GCC2: variants seen among roughly 807,000 people sequenced by gnomAD.
GCC2 encodes the protein GRIP and coiled-coil domain-containing protein 2.
A neutral mutation model predicts 210.6 loss-of-function variants in GCC2; 120 were observed. The ratio of observed to expected loss-of-function variants is 0.57; its 90% CI spans 0.49 to 0.66. The LOEUF is 0.66. Among genes scored for constraint, GCC2 ranks in the 30% least tolerant of loss-of-function variants. GCC2 has a pLI of 0.00. For missense variants in GCC2, 1,868 were observed against 1,871.9 expected, an observed-to-expected ratio of 1.00 and a Z score of 0.04; for synonymous variants, 703 against 652.7, an observed-to-expected ratio of 1.08 and a Z score of -1.17.
At chr2:108,458,890 C>T (rs1407779585) in intron 4 of GCC2, among the ~76,000 whole-genome samples, 1 of 151,974 alleles carries the variant, frequency 6.6e-6, no homozygotes, top group Admixed American at 6.6e-5. Flanking sequence ...TGATCCTCTG[C>T]CTTTTTTAAA....
chr2:108,470,558 G>A lies in GCC2; in HGVS notation c.1229G>A (p.Gly410Asp). ...GAAAAATTAAAATCTGAGCTAGCAG[G>A]TTTAAATAAACAGTTTTGCTATACT... ...VIEKLKSELA[G>D]LNKQFCYTVE... Residue 410 changes from glycine to aspartate, a missense_variant, in exon 6 of 23, where the codon GGT becomes GAT. Gly to Asp is a moderately conservative substitution (Grantham distance 94, BLOSUM62 -1). Coordinates refer to ENST00000309863, the MANE Select transcript of GCC2 (RefSeq NM_181453.4). The A allele has an allele frequency of 6.2e-7, 1 of 1,607,754 alleles. No individual in the cohort carries two copies. Among genetic ancestry groups the A allele is most frequent in the Non-Finnish European group, 8.5e-7 (1 of 1,177,676 alleles).
At chr2:108,484,863 C>T (rs957610983) in intron 13 of GCC2, 66 of 152,112 alleles carry the variant, frequency 4.3e-4, no homozygotes, top group African/African-American at 1.5e-3. Context: ...TATAAAGACA[C>T]ATGCACACGT....
At chr2:108,476,610 A>G (rs1403755729) in intron 9 of GCC2, among the ~76,000 whole-genome samples, 1 of 152,240 alleles carries the variant, frequency 6.6e-6, no homozygotes, top group African/African-American at 2.4e-5. Context: ...TACCTTAGTA[A>G]CATGAAAATG....
At chr2:108,487,900 AT>A (rs1008834430) in intron 17 of GCC2, 80 bp downstream of exon 17, 151,955 of 642,372 alleles carry the variant, frequency 0.24, 1,029 homozygotes, top group Non-Finnish European at 0.25. Flanking sequence ...TCCTATTATG[AT>A]TTTTTTTTTT....
intron 15 of GCC2, 40 bp from the exon 16 acceptor site, chr2:108,486,471 A>G (rs185074102): frequency 6.2e-7 from 1 of 1,608,296 alleles, no homozygotes; most frequent in South Asian, 1.1e-5. Context: ...ACTAGTGAAG[A>G]TAGGATTTGC....
chr2:108,487,947 C>T, intron 17 of GCC2, 127 bp downstream of exon 17: 2 of 965,738 alleles, frequency 2.1e-6, no homozygotes, highest in South Asian at 1.5e-5. Flanking sequence ...GCTCTTGTTG[C>T]CCAGGCTGGA....
In GCC2 at chr2:108,509,363, T is replaced by C. The variant is rs1683374597; in HGVS notation, c.*1733T>C. 6.6e-6 allele frequency: 1 copy of C among 152,336 alleles called. No homozygotes were observed. Among genetic ancestry groups the C allele is most frequent in the African/African-American group, 2.4e-5 (1 of 41,456 alleles). 9.4% of individuals were successfully genotyped at this position (152,336 alleles called of 1,614,324 possible). A position where few individuals can be genotyped will look rare whatever the true frequency, so the allele number is the denominator to read the frequency against. ...TCTGCAATGAGAGGAAGTGTAATGA[T>C]TATTTTAATATTTCTATTAAATATG... On this transcript the variant is annotated 3_prime_UTR_variant, in exon 23 of 23. Transcript: ENST00000309863.
chr2:108,449,922 C>T (rs1679830296), intron 2 of GCC2: 2 of 532,048 alleles, frequency 3.8e-6, no homozygotes, highest in Non-Finnish European at 6.7e-6. Flanking sequence ...CTGGGAGATC[C>T]TGCTATTTTT....
At chr2:108,487,133 A>T (rs1301319859) in intron 16 of GCC2, among the ~76,000 whole-genome samples, 3 of 152,210 alleles carry the variant, frequency 2.0e-5, no homozygotes, top group Non-Finnish European at 4.4e-5. Context: ...AGAACTTAAC[A>T]CTTAACCACC....
intron 4 of GCC2, among the ~76,000 whole-genome samples, chr2:108,464,734 G>A (rs555421063): frequency 1.3e-5 from 2 of 152,162 alleles, no homozygotes; most frequent in Non-Finnish European, 2.9e-5. Context: ...TGGGAAAAAT[G>A]GAAGGATGGA....
rs199919406 is a variant in GCC2, at chr2:108,452,472, T to C, written c.216+6T>C. Reference sequence around the variant, plus strand: ...GAACTGGTGATATTATTAAGGTAATTATTACGTTGGGAAATGTCTAAAGAG... The same window carrying C: ...GAACTGGTGATATTATTAAGGTAATCATTACGTTGGGAAATGTCTAAAGAG... On this transcript the variant is annotated splice_donor_region_variant and intron_variant, in intron 4 of 22. Coordinates refer to ENST00000309863, the MANE Select transcript of GCC2 (RefSeq NM_181453.4). The C allele has an allele frequency of 1.8e-4, 265 of 1,476,932 alleles. No homozygotes were observed. Among genetic ancestry groups the C allele is most frequent in the Non-Finnish European group, 2.3e-4 (245 of 1,056,746 alleles). The allele number at this position is 1,476,932 out of a possible 1,614,324, so 91.5% of individuals were successfully genotyped here. A position where few individuals can be genotyped will look rare whatever the true frequency, so the allele number is the denominator to read the frequency against.
At chr2:108,475,283 T>C in intron 7 of GCC2, 1 of 245,634 alleles carries the variant, frequency 4.1e-6, no homozygotes, top group Non-Finnish European at 7.7e-6. Flanking sequence ...CTCTAATTCC[T>C]GGAAACATAT....
rs545857578 is a variant in GCC2 at position 108,507,691 on chromosome 2, A to G, written c.*61A>G. The G allele has an allele frequency of 8.7e-6, 10 of 1,153,710 alleles. No homozygotes were observed. In the East Asian group the frequency reaches 1.7e-4, roughly 19 times the overall value. 71.5% of individuals were successfully genotyped at this position (1,153,710 alleles called of 1,614,324 possible). ...ATCTATTTACAAAAATGGTTCACGTATATTACCACAATTCTTTTGTCAAAA... is the reference window on the plus strand; with the variant it reads ...ATCTATTTACAAAAATGGTTCACGTGTATTACCACAATTCTTTTGTCAAAA... On this transcript the variant is annotated 3_prime_UTR_variant, in exon 23 of 23. Transcript: ENST00000309863.
intron 4 of GCC2, among the ~76,000 whole-genome samples, chr2:108,468,643 C>G (rs537764213): frequency 1.3e-5 from 2 of 152,156 alleles, no homozygotes; most frequent in Non-Finnish European, 2.9e-5. Flanking sequence ...CACATGACAC[C>G]TCCCTCAACA....
chr2:108,481,848 T>C (rs1215146027), intron 10 of GCC2, 32 bp downstream of exon 10: 1 of 1,438,184 alleles, frequency 7.0e-7, no homozygotes, highest in African/African-American at 1.4e-5. Context: ...AAATGAAAAC[T>C]ATAACAGGTA....
intron 13 of GCC2, among the ~76,000 whole-genome samples, chr2:108,485,356 G>T (rs1054397049): frequency 4.0e-5 from 6 of 151,414 alleles, no homozygotes; most frequent in Admixed American, 6.6e-5. Context: ...GATGTTTGTA[G>T]TCCACATTTA....
At position 108,470,838 on chromosome 2, in the gene GCC2, A is replaced by G. The variant is rs1439677984; in HGVS notation, c.1509A>G (p.Gln503=). 3 of 1,613,908 alleles carry G rather than the reference A, an allele frequency of 1.9e-6. No homozygotes were observed. The highest frequency in any genetic ancestry group is 1.3e-5 in the African/African-American group (1 of 75,052). Residue 503 remains glutamine, a synonymous_variant, in exon 6 of 23, where the codon CAA becomes CAG. Transcript: ENST00000309863. Reference sequence around the variant, plus strand: ...GGGAATCTGCTGGAAAAATAAGTCAAGAGTTCGAATCAATGAAGCAACAGC... The same window carrying G: ...GGGAATCTGCTGGAAAAATAAGTCAGGAGTTCGAATCAATGAAGCAACAGC... ...ELGESAGKIS[Q]EFESMKQQQA... is the part of the protein sequence containing the mutation.
rs780634068 is a variant in GCC2 at position 108,472,111 on chromosome 2, T to C, written c.2782T>C (p.Leu928=). 3 of 1,506,780 alleles carry C rather than the reference T, an allele frequency of 2.0e-6. No individual in the cohort carries two copies. Among genetic ancestry groups the C allele is most frequent in the South Asian group, 1.4e-5 (1 of 72,762 alleles). 93.3% of individuals were successfully genotyped at this position (1,506,780 alleles called of 1,614,324 possible). ...AGATAGGAGAGCAGAGTTGATACTA[T>C]TAAAGGTACCATTCATTTGAATTCT... ...LRDRRAELIL[L]KDSLAKSPSV... Residue 928 remains leucine, a synonymous_variant, in exon 6 of 23, where the codon TTA becomes CTA. Transcript: ENST00000309863.
rs766179585 is a variant in GCC2 at position 108,470,058 on chromosome 2, G to A, written c.729G>A (p.Gln243=). 1.9e-6 allele frequency: 3 copies of A among 1,613,524 alleles called. No homozygotes were observed. Among genetic ancestry groups the A allele is most frequent in the East Asian group, 2.2e-5 (1 of 44,836 alleles). The change falls in exon 6 of 23, where the codon CAG becomes CAA. Residue 243 remains glutamine (Q), a synonymous_variant. Transcript: ENST00000309863. ...NINSLQEELL[Q]LKAIHQEEVK... is the part of the protein sequence containing the mutation. Reference sequence around the variant, plus strand: ...ATAGTTTGCAGGAAGAGCTTTTACAGTTGAAAGCTATACACCAAGAAGAGG... The same window carrying A: ...ATAGTTTGCAGGAAGAGCTTTTACAATTGAAAGCTATACACCAAGAAGAGG...
Sources: gnomAD v4.1 joint callset for allele counts (sites outside exome capture counted in the v4.1 genomes callset) on GRCh38, gnomAD v4.1.1 for gene constraint, MANE v1.5 for transcripts, NCBI Gene and HGNC (gene_info 2026-07-23, HGNC 2026-07-21) for gene names.